ANKHD1: variants seen among roughly 807,000 people sequenced by gnomAD.
The protein encoded by ANKHD1 is ankyrin repeat and KH domain-containing protein 1.
Under a neutral mutation model 230.5 loss-of-function variants are expected in ANKHD1, and 31 were observed. That is an observed-to-expected ratio of 0.13 (90% CI 0.10 to 0.18). The LOEUF (loss-of-function observed/expected upper bound fraction) is 0.18, where lower values mean the gene tolerates loss of function less well. Among genes scored for constraint, ANKHD1 ranks in the 10% least tolerant of loss-of-function variants. The pLI is 1.00. For missense variants in ANKHD1, 2,256 were observed against 3,071.3 expected (o/e 0.73, Z 6.27); for synonymous variants, 1,074 against 1,117.6 (o/e 0.96, Z 0.78).
At chr5:140,472,105 T>TGAGA (rs1435284759) in intron 10 of ANKHD1, 1 of 718,840 alleles carries the variant, frequency 1.4e-6, no homozygotes, top group Non-Finnish European at 2.4e-6. Context: ...TCTCTACAGA[T>TGAGA]GAGAATCTTT....
intron 7 of ANKHD1, among the ~76,000 whole-genome samples, chr5:140,454,665 A>G (rs1374374804): frequency 6.6e-6 from 1 of 152,158 alleles, no homozygotes; most frequent in East Asian, 1.9e-4. Flanking sequence ...TGAAACCAAC[A>G]AGAACAAAGA....
intron 9 of ANKHD1, among the ~76,000 whole-genome samples, chr5:140,463,899 TC>T (rs1299192986): frequency 1.8e-4 from 27 of 152,080 alleles, no homozygotes; most frequent in Middle Eastern, 6.8e-3. Context: ...ACTCCTGTGC[TC>T]AAGTGATCTG....
At chr5:140,487,608 T>A (rs1751568512) in intron 14 of ANKHD1, among the ~76,000 whole-genome samples, 1 of 152,060 alleles carries the variant, frequency 6.6e-6, no homozygotes, top group African/African-American at 2.4e-5. Context: ...AGAAGGAGAG[T>A]ATACTACTTA....
In ANKHD1 at chr5:140,538,159, A is replaced by C; in HGVS notation, c.7302A>C (p.Thr2434=). The C allele has an allele frequency of 6.2e-7, 1 of 1,614,212 alleles. No homozygotes were observed. The highest frequency in any genetic ancestry group is 2.2e-5 in the East Asian group (1 of 44,884). ...ATCAACAATTATCAGACCCAAGCACATTCTCCCAACATCAGCCAATGGAGA... is the reference window on the plus strand; with the variant it reads ...ATCAACAATTATCAGACCCAAGCACCTTCTCCCAACATCAGCCAATGGAGA... ...PMHQQLSDPS[T]FSQHQPMERD... is the part of the protein sequence containing the mutation. The change falls in exon 32 of 34, where the codon ACA becomes ACC. Residue 2434 remains threonine (T), a synonymous_variant. Coordinates refer to ENST00000360839, the MANE Select transcript of ANKHD1 (RefSeq NM_017747.3).
At chr5:140,416,236 C>T (rs1026455705) in intron 1 of ANKHD1, among the ~76,000 whole-genome samples, 12 of 152,088 alleles carry the variant, frequency 7.9e-5, no homozygotes, top group Non-Finnish European at 1.8e-4. Flanking sequence ...TGAATAGTGC[C>T]GCAGTAAACG....
At chr5:140,531,827 G>A (rs186847106) in intron 29 of ANKHD1, among the ~76,000 whole-genome samples, 8 of 152,242 alleles carry the variant, frequency 5.3e-5, no homozygotes, top group Admixed American at 1.3e-4. Flanking sequence ...TAGCCAAAAT[G>A]TAGAAACAAC....
intron 10 of ANKHD1, chr5:140,472,104 A>G: frequency 1.4e-6 from 1 of 715,620 alleles, no homozygotes; most frequent in Non-Finnish European, 2.4e-6. Flanking sequence ...GTCTCTACAG[A>G]TGAGAATCTT....
chr5:140,458,945 CAT>C lies in ANKHD1; in HGVS notation c.1480+116_1480+117del, dbSNP rs540544442. On this transcript the variant is annotated intron_variant, in intron 8 of 33. Coordinates refer to ENST00000360839, the MANE Select transcript of ANKHD1 (RefSeq NM_017747.3). The stretch of plus-strand genomic sequence containing the variant: ...TACTGGTGAAGTTTACTACAGCTAG[CAT>C]ATATATATATATATATATATATATA... 1.2e-3 allele frequency: 97 copies of C among 83,808 alleles called. 1 individual carries two copies. Among genetic ancestry groups the C allele is most frequent in the African/African-American group, 4.1e-3 (70 of 17,208 alleles). The allele number at this position is 83,808 out of a possible 1,614,324, so 5.2% of individuals were successfully genotyped here.
chr5:140,444,390 G>A (rs900729172), intron 5 of ANKHD1, among the ~76,000 whole-genome samples: 1 of 152,090 alleles, frequency 6.6e-6, no homozygotes, highest in Admixed American at 6.5e-5. Flanking sequence ...TGCACCTACT[G>A]CCTGCATGTC....
intron 9 of ANKHD1, among the ~76,000 whole-genome samples, chr5:140,459,667 AAT>A (rs1394542993): frequency 1.9e-4 from 29 of 152,176 alleles, no homozygotes; most frequent in Admixed American, 1.8e-3. Context: ...TGAGGTGATA[AAT>A]ATGTTAATTA....
rs376715281 is a variant in ANKHD1 at position 140,510,109 on chromosome 5, A to T, written c.4032A>T (p.Leu1344=). The change falls in exon 22 of 34, where the codon CTA becomes CTT. Residue 1344 remains leucine, a synonymous_variant. Coordinates refer to ENST00000360839, the MANE Select transcript of ANKHD1 (RefSeq NM_017747.3). ...GTCATTTTGATGTTGTGCAGTTGCT[A>T]GTGCAAGCAGGTGCTGATGTGGATG... The part of the protein sequence containing the change: ...NGGHFDVVQL[L]VQAGADVDAA... The T allele has an allele frequency of 1.2e-6, 2 of 1,613,974 alleles. No individual in the cohort carries two copies. The highest frequency in any genetic ancestry group is 1.3e-5 in the African/African-American group (1 of 74,914).
intron 14 of ANKHD1, among the ~76,000 whole-genome samples, chr5:140,489,326 A>T (rs958743805): frequency 6.6e-6 from 1 of 152,002 alleles, no homozygotes; most frequent in African/African-American, 2.4e-5. Flanking sequence ...GTCTCTATTT[A>T]AAAAAATTTA....
intron 15 of ANKHD1, among the ~76,000 whole-genome samples, chr5:140,502,642 A>C (rs1230337039): frequency 6.6e-6 from 1 of 152,188 alleles, no homozygotes; most frequent in Non-Finnish European, 1.5e-5. Context: ...AAGGTTCTGT[A>C]ACATATTAAT....
rs770418748 is a variant in ANKHD1 at position 140,513,485 on chromosome 5, TG to T, written c.4317+9del. On this transcript the variant is annotated splice_region_variant and intron_variant, in intron 24 of 33. Transcript: ENST00000360839. ...AGGAACTTGATCTGGAAAAGGTGAG[TG>T]GGAAAAATAATTTTCCTTTTTAGAA... is the stretch of plus-strand genomic sequence containing the variant. 1.1e-5 allele frequency: 17 copies of T among 1,609,108 alleles called. No individual in the cohort carries two copies. The African/African-American group carries it at 1.2e-4, about 11-fold the overall frequency.
intron 1 of ANKHD1, among the ~76,000 whole-genome samples, chr5:140,408,364 C>CTATGTATA (rs1359262029): frequency 6.6e-6 from 1 of 151,974 alleles, no homozygotes; most frequent in Non-Finnish European, 1.5e-5. Flanking sequence ...GCCTATCTTT[C>CTATGTATA]TATGTATATA....
At chr5:140,528,069 GA>G in intron 28 of ANKHD1, 47 bp downstream of exon 28, 2 of 1,603,852 alleles carry the variant, frequency 1.2e-6, no homozygotes, top group Non-Finnish European at 1.7e-6. Context: ...GAAATTATAA[GA>G]AGCATACCTT....
chr5:140,466,987 G>A (rs1776140895), intron 10 of ANKHD1, among the ~76,000 whole-genome samples: 1 of 150,612 alleles, frequency 6.6e-6, no homozygotes, highest in Non-Finnish European at 1.5e-5. Context: ...ATTCAATACA[G>A]AAGTAATGCC....
intron 20 of ANKHD1, 131 bp from the exon 21 acceptor site, chr5:140,509,506 A>G (rs1752672606): frequency 9.1e-7 from 1 of 1,093,740 alleles, no homozygotes. Flanking sequence ...TATGAGAGCT[A>G]ATCAGAACTA....
At chr5:140,524,460 G>C (rs1188439664) in intron 25 of ANKHD1, among the ~76,000 whole-genome samples, 1 of 152,194 alleles carries the variant, frequency 6.6e-6, no homozygotes, top group African/African-American at 2.4e-5. Flanking sequence ...AATAAATTCA[G>C]TTGTAATTTA....
Sources: gnomAD v4.1 joint callset for allele counts (sites outside exome capture counted in the v4.1 genomes callset) on GRCh38, gnomAD v4.1.1 for gene constraint, MANE v1.5 for transcripts, NCBI Gene and HGNC (gene_info 2026-07-23, HGNC 2026-07-21) for gene names.